Variants in AGBL4 observed in about 807,000 individuals in gnomAD.
The protein encoded by AGBL4 is AGBL carboxypeptidase 4, also known as cytosolic carboxypeptidase 6.
AGBL4 carries 58 observed loss-of-function variants against 66.4 expected under a neutral mutation model. That is an observed-to-expected ratio of 0.87 (90% CI 0.71 to 1.09). AGBL4 has a LOEUF of 1.09. Among genes scored for constraint, AGBL4 ranks in the 50% least tolerant of loss-of-function variants. The pLI, the probability that AGBL4 is intolerant of heterozygous loss-of-function variation, is 0.00. For missense variants in AGBL4, 579 were observed against 631.0 expected (o/e 0.92, Z 0.88); for synonymous variants, 234 against 222.9 (o/e 1.05, Z -0.44).
intron 4 of AGBL4, among the ~76,000 whole-genome samples, chr1:49,076,364 T>TA (rs1283657581): frequency 3.9e-5 from 6 of 152,344 alleles, no homozygotes; most frequent in African/African-American, 1.4e-4. Context: ...AAATAGTTTT[T>TA]ATACTATATT....
At chr1:49,286,035 C>T (rs1036506489) in intron 3 of AGBL4, among the ~76,000 whole-genome samples, 4 of 152,198 alleles carry the variant, frequency 2.6e-5, no homozygotes, top group Admixed American at 1.3e-4. Context: ...GGCTTCATCC[C>T]TGCGATGCAA....
intron 4 of AGBL4, among the ~76,000 whole-genome samples, chr1:49,145,754 G>T (rs1646205982): frequency 6.6e-6 from 1 of 152,092 alleles, no homozygotes; most frequent in Admixed American, 6.6e-5. Flanking sequence ...CCACTGCTGG[G>T]TATATACCCA....
intron 3 of AGBL4, among the ~76,000 whole-genome samples, chr1:49,257,060 A>G (rs1029919997): frequency 6.6e-6 from 1 of 152,072 alleles, no homozygotes; most frequent in African/African-American, 2.4e-5. Context: ...TACAAAAAGC[A>G]CAGAAGCATT....
chr1:48,869,530 C>T (rs754782673), intron 5 of AGBL4, among the ~76,000 whole-genome samples: 6 of 152,122 alleles, frequency 3.9e-5, no homozygotes, highest in Non-Finnish European at 5.9e-5. Flanking sequence ...TATTGCTAAA[C>T]GGCAACTCTG....
At chr1:48,978,715 T>C (rs376257907) in intron 5 of AGBL4, among the ~76,000 whole-genome samples, 2 of 152,186 alleles carry the variant, frequency 1.3e-5, no homozygotes, top group African/African-American at 4.8e-5. Flanking sequence ...TAAGCCCTTT[T>C]GTTGAAATGC....
At chr1:49,832,237 A>G (rs1255269270) in intron 2 of AGBL4, among the ~76,000 whole-genome samples, 2 of 151,316 alleles carry the variant, frequency 1.3e-5, no homozygotes, top group African/African-American at 2.4e-5. Flanking sequence ...ATGAGTGAGA[A>G]TATGTGGTGT....
intron 6 of AGBL4, among the ~76,000 whole-genome samples, chr1:48,691,544 AG>A (rs1336926001): frequency 2.6e-5 from 4 of 152,156 alleles, no homozygotes; most frequent in African/African-American, 9.7e-5. Context: ...TCGCTCAGGG[AG>A]GTACTGGGCT....
chr1:49,206,481 A>G (rs1339528740), intron 4 of AGBL4, among the ~76,000 whole-genome samples: 1 of 152,022 alleles, frequency 6.6e-6, no homozygotes, highest in Non-Finnish European at 1.5e-5. Flanking sequence ...TCTCCAATAA[A>G]AACTGTCTTT....
chr1:49,848,611 A>G (rs1033300112), intron 2 of AGBL4, among the ~76,000 whole-genome samples: 2 of 152,190 alleles, frequency 1.3e-5, no homozygotes, highest in Admixed American at 6.5e-5. Context: ...GCTAAATAAT[A>G]TGTATACATA....
intron 3 of AGBL4, among the ~76,000 whole-genome samples, chr1:49,287,058 G>A (rs376733171): frequency 9.4e-5 from 14 of 148,794 alleles, no homozygotes; most frequent in East Asian, 2.0e-4. Flanking sequence ...AAATAACGCC[G>A]CATATCTACA....
intron 4 of AGBL4, among the ~76,000 whole-genome samples, chr1:49,112,432 T>C (rs999273532): frequency 2.6e-5 from 4 of 152,188 alleles, no homozygotes; most frequent in African/African-American, 9.7e-5. Context: ...AAGGTTGGAG[T>C]AGCTGTGGCA....
At chr1:49,909,485 A>C (rs567221446) in intron 1 of AGBL4, among the ~76,000 whole-genome samples, 2 of 152,304 alleles carry the variant, frequency 1.3e-5, no homozygotes, top group South Asian at 4.1e-4. Flanking sequence ...GGAACAGCAA[A>C]AGCATATATC....
At chr1:49,548,557 T>A (rs529088186) in intron 3 of AGBL4, among the ~76,000 whole-genome samples, 1 of 152,358 alleles carries the variant, frequency 6.6e-6, no homozygotes, top group Admixed American at 6.5e-5. Flanking sequence ...TTTTTAATTC[T>A]GTTTATATGG....
chr1:49,873,523 C>T (rs1228590253), intron 1 of AGBL4, among the ~76,000 whole-genome samples: 1 of 152,066 alleles, frequency 6.6e-6, no homozygotes, highest in African/African-American at 2.4e-5. Context: ...CAGATAGCTA[C>T]AGATAAAAAG....
At chr1:49,857,692 A>T (rs1159611512) in intron 1 of AGBL4, among the ~76,000 whole-genome samples, 1 of 152,184 alleles carries the variant, frequency 6.6e-6, no homozygotes, top group Non-Finnish European at 1.5e-5. Context: ...GAATGAAACT[A>T]GACCCCATCT....
chr1:48,597,260 T>C (rs1412130513), intron 9 of AGBL4, among the ~76,000 whole-genome samples: 1 of 152,198 alleles, frequency 6.6e-6, no homozygotes, highest in Non-Finnish European at 1.5e-5. Context: ...ATCTGGCAAA[T>C]ATCTACTGTG....
At chr1:49,522,991 G>A (rs527918957) in intron 3 of AGBL4, among the ~76,000 whole-genome samples, 27 of 152,018 alleles carry the variant, frequency 1.8e-4, no homozygotes, top group Non-Finnish European at 3.5e-4. Context: ...ATATTTCAGG[G>A]GTGCATAGCA....
chr1:49,144,086 C>T lies in AGBL4; in HGVS notation c.378-98286G>A, dbSNP rs1009347867. 8.5e-5 allele frequency among the ~76,000 whole-genome samples: 13 copies of T among 152,276 alleles called. No homozygotes were observed. In the East Asian group the frequency reaches 9.7e-4, roughly 11 times the overall value. The stretch of plus-strand genomic sequence containing the variant: ...AGGTATGGATTATATCCTGTCTTAG[C>T]GCCTATACTAGCAAGGCTAATTCAT... On this transcript the variant is annotated intron_variant, in intron 4 of 13. Transcript: ENST00000371839.
chr1:49,006,445 G>C (rs1227415988), intron 5 of AGBL4, among the ~76,000 whole-genome samples: 9 of 152,180 alleles, frequency 5.9e-5, no homozygotes, highest in Non-Finnish European at 1.2e-4. Context: ...CAGCGAGGCT[G>C]GGGGAGGGGC....
Sources: allele counts gnomAD v4.1 joint callset (sites outside exome capture counted in the v4.1 genomes callset), GRCh38; gene constraint gnomAD v4.1.1; transcripts MANE v1.5; gene names NCBI Gene and HGNC (gene_info 2026-07-23, HGNC 2026-07-21).